Variants in TTN observed in about 807,000 individuals in gnomAD.
TTN encodes the protein connectin.
Under a neutral mutation model 3,223.0 loss-of-function variants are expected in TTN, and 1,525 were observed. The observed-to-expected ratio is 0.47, with a 90% CI of 0.45 to 0.49. The LOEUF (loss-of-function observed/expected upper bound fraction) is 0.49. TTN is among the 20% of genes least tolerant of loss of function. TTN has a pLI of 0.00. For missense variants in TTN, 40,786 were observed against 43,424.0 expected (o/e 0.94, Z 5.40); for synonymous variants, 14,094 against 15,161.0 (o/e 0.93, Z 5.17).
chr2:178,640,564 C>G lies in TTN; in HGVS notation c.40700G>C (p.Arg13567Thr). The G allele has an allele frequency of 6.2e-7, 1 of 1,601,802 alleles. No homozygotes were observed. The highest frequency in any genetic ancestry group is 1.1e-5 in the South Asian group (1 of 89,174). The change falls in exon 221 of 363, where the codon AGG becomes ACG. Residue 13567 changes from arginine (R) to threonine (T), a missense_variant. Arg to Thr is a moderately conservative substitution (Grantham distance 71). Coordinates refer to ENST00000589042, the MANE Select transcript of TTN (RefSeq NM_001267550.2). ...ACCTTTTGTTGGTTCAGGAATCTTC[C>G]TTTCCCTTTTTGTAACAGTAGGTAC... ...VEVPTVTKRERKIPEPTKVPE... is the reference protein window; with the variant it reads ...VEVPTVTKRETKIPEPTKVPE...
rs574655603 is a variant in TTN at position 178,646,021 on chromosome 2, G to A, written c.40307C>T (p.Pro13436Leu). ...TTTTGGCTTCTCAATAACCTTTTCA[G>A]GTTCAGGTTCTTGAAAGAGTATTTC... ...PEEIPVKEPEPEKVIEKPKLK... is the reference protein window; with the variant it reads ...PEEIPVKEPELEKVIEKPKLK... Residue 13436 changes from proline to leucine, a missense_variant, in exon 217 of 363, where the codon CCT (proline) becomes CTT (leucine). Pro to Leu is a moderately conservative substitution (Grantham distance 98). Coordinates refer to ENST00000589042, the MANE Select transcript of TTN (RefSeq NM_001267550.2). 3 of 1,553,636 alleles carry A rather than the reference G, an allele frequency of 1.9e-6. No homozygotes were observed. Among genetic ancestry groups the A allele is most frequent in the Admixed American group, 4.0e-5 (2 of 49,982 alleles).
chr2:178,581,678 C>T lies in TTN; in HGVS notation c.66590G>A (p.Arg22197Gln), dbSNP rs374656017. The change falls in exon 316 of 363, where the codon CGG (arginine) becomes CAG (glutamine). Residue 22197 changes from arginine (R) to glutamine (Q), a missense_variant. Transcript: ENST00000589042. Reference protein sequence around the residue: ...PIIGYLVEVKRADSDNWVRCN... With the variant: ...PIIGYLVEVKQADSDNWVRCN... ...CCTCACCCAGTTATCGGAGTCAGCC[C>T]GTTTTACTTCAACGAGATAACCAAT... 103 of 1,612,470 alleles carry T rather than the reference C, an allele frequency of 6.4e-5. 1 individual carries two copies. The East Asian group carries it at 6.5e-4, about 10-fold the overall frequency.
chr2:178,769,963 C>G, intron 36 of TTN, 24 bp from the exon 37 acceptor site: 2 of 1,614,102 alleles, frequency 1.2e-6, no homozygotes, highest in Non-Finnish European at 8.5e-7. Context: ...AAGAGCACTT[C>G]AGTTAATACA....
In TTN at chr2:178,714,083, G is replaced by T. The variant is rs1361604566; in HGVS notation, c.26575C>A (p.Leu8859Ile). The change falls in exon 92 of 363, where the codon CTC becomes ATC. Residue 8859 changes from leucine (L) to isoleucine (I), a missense_variant. By Grantham distance (5) the Leu-to-Ile change is conservative. Transcript: ENST00000589042. Reference sequence around the variant, plus strand: ...CCATCCTTAAACCACTTAGTACTGAGTTCAGGGGTGCCAGCTACTGTACAC... The same window carrying T: ...CCATCCTTAAACCACTTAGTACTGATTTCAGGGGTGCCAGCTACTGTACAC... ...LECTVAGTPE[L>I]STKWFKDGKE... 6.2e-7 allele frequency: 1 copy of T among 1,613,674 alleles called. No individual in the cohort carries two copies. The highest frequency in any genetic ancestry group is 2.2e-5 in the East Asian group (1 of 44,860).
chr2:178,768,016 G>C lies in TTN; in HGVS notation c.9303C>G (p.Asp3101Glu), dbSNP rs148676491. 1.5e-5 allele frequency: 24 copies of C among 1,614,006 alleles called. No individual in the cohort carries two copies. The highest frequency in any genetic ancestry group is 1.8e-5 in the Non-Finnish European group (21 of 1,180,012). The change falls in exon 39 of 363, where the codon GAC (aspartate) becomes GAG (glutamate). Residue 3101 changes from aspartate to glutamate, a missense_variant and splice_region_variant. Transcript: ENST00000589042. Reference sequence around the variant, plus strand: ...TGTAGCAAGACAAAACAACTGACCTGTCTGTGATCTGCAGTTCCTGGTCAT... The same window carrying C: ...TGTAGCAAGACAAAACAACTGACCTCTCTGTGATCTGCAGTTCCTGGTCAT... Reference protein sequence around the residue: ...MKDDQELQITDRIKIQKEKYV... With the variant: ...MKDDQELQITERIKIQKEKYV...
In TTN at chr2:178,528,683, A is replaced by G. The variant is rs879023680; in HGVS notation, c.107068T>C (p.Tyr35690His). ...AGTTCTTTGCTCAGTGTCAAATCATACTGACACTTGACGATTCCTTCCTTG... is the reference window on the plus strand; with the variant it reads ...AGTTCTTTGCTCAGTGTCAAATCATGCTGACACTTGACGATTCCTTCCTTG... ...KTKEGIVKCQ[Y>H]DLTLSKELSD... Residue 35690 changes from tyrosine (Y) to histidine (H), a missense_variant, in exon 360 of 363, where the codon TAT (tyrosine) becomes CAT (histidine). Tyr to His is a moderately conservative substitution (Grantham distance 83, BLOSUM62 2). Coordinates refer to ENST00000589042, the MANE Select transcript of TTN (RefSeq NM_001267550.2). 1 of 1,613,416 alleles carries G rather than the reference A, an allele frequency of 6.2e-7. No homozygotes were observed. Among genetic ancestry groups the G allele is most frequent in the Non-Finnish European group, 8.5e-7 (1 of 1,179,708 alleles).
At chr2:178,681,336 T>C (rs1249025471) in intron 137 of TTN, 40 bp downstream of exon 137, 3 of 1,568,144 alleles carry the variant, frequency 1.9e-6, no homozygotes, top group South Asian at 1.1e-5. Flanking sequence ...AGAACATACA[T>C]AACAAAGTTG....
chr2:178,559,783 TA>T lies in TTN; in HGVS notation c.86348del (p.Val28783AspfsTer28). On this transcript the variant is annotated frameshift_variant, in exon 326 of 363. Transcript: ENST00000589042. LOFTEE classifies it high-confidence loss of function. ...CTGGCTTACTCCACAAGACATTGGG[TA>T]CTGGTCTTCCTCGGAAAGGCACAGT... is the stretch of plus-strand genomic sequence containing the variant. ...TMTVPFRGRP[V>X]PNVLWSKPDT... is the part of the protein sequence containing the mutation. 6.2e-7 allele frequency: 1 copy of T among 1,606,684 alleles called. No homozygotes were observed. The highest frequency in any genetic ancestry group is 8.5e-7 in the Non-Finnish European group (1 of 1,176,882).
chr2:178,715,387 G>T, intron 89 of TTN, 106 bp downstream of exon 89: 2 of 1,515,158 alleles, frequency 1.3e-6, no homozygotes, highest in Non-Finnish European at 8.8e-7. Context: ...TCTTTGTTGT[G>T]TCCTTTCCCT....
At chr2:178,713,416 AC>A (rs1235065886) in intron 92 of TTN, 44 bp from the exon 93 acceptor site, 13 of 1,461,060 alleles carry the variant, frequency 8.9e-6, no homozygotes, top group African/African-American at 2.9e-5. Context: ...AACAAAAAAA[AC>A]AAAGGACAAC....
chr2:178,571,440 C>G lies in TTN; in HGVS notation c.74692G>C (p.Glu24898Gln), dbSNP rs751312481. The G allele has an allele frequency of 1.2e-6, 2 of 1,613,440 alleles. No homozygotes were observed. Among genetic ancestry groups the G allele is most frequent in the Non-Finnish European group, 1.7e-6 (2 of 1,179,596 alleles). The change falls in exon 326 of 363, where the codon GAG (glutamate) becomes CAG (glutamine). Residue 24898 changes from glutamate to glutamine, a missense_variant. Transcript: ENST00000589042. ...AATGGATATTGGGCTACAGTAGGCT[C>G]TGAATTGAGGTAGGTACTCTTCCCA... is the stretch of plus-strand genomic sequence containing the variant. ...RYGKSTYLNS[E>Q]PTVAQYPFKV...
intron 47 of TTN, among the ~76,000 whole-genome samples, chr2:178,743,550 T>C (rs1168407505): frequency 2.0e-5 from 3 of 151,976 alleles, no homozygotes; most frequent in Non-Finnish European, 4.4e-5. Flanking sequence ...CTCTTTACTA[T>C]ATGAATAAGA....
Position 178,565,233 on chromosome 2 carries a change from C to T in TTN, c.80899G>A (p.Val26967Ile), listed in dbSNP as rs1257567608. The change falls in exon 326 of 363, where the codon GTT becomes ATT. Residue 26967 changes from valine (V) to isoleucine (I), a missense_variant. Physicochemically the swap from Val to Ile is conservative, Grantham distance 29 (BLOSUM62 3). Coordinates refer to ENST00000589042, the MANE Select transcript of TTN (RefSeq NM_001267550.2). ...SAGTATENLS[V>I]IVLEKPGPPV... ...GGTCCAGGCTTTTCTAAAACGATAA[C>T]ACTGAGATTTTCTGTTGCTGTGCCT... 1.2e-6 allele frequency: 2 copies of T among 1,613,578 alleles called. No homozygotes were observed. The highest frequency in any genetic ancestry group is 1.7e-4 in the Middle Eastern group (1 of 6,052).
chr2:178,721,747 G>A, intron 78 of TTN, 100 bp downstream of exon 78: 2 of 1,286,882 alleles, frequency 1.6e-6, no homozygotes, highest in Admixed American at 5.2e-5. Flanking sequence ...AACATGTCCA[G>A]TTAGTTTCTC....
intron 2 of TTN, among the ~76,000 whole-genome samples, chr2:178,803,657 G>T (rs2094174121): frequency 6.6e-6 from 1 of 151,556 alleles, no homozygotes; most frequent in African/African-American, 2.4e-5. Flanking sequence ...TTTTAAAAAA[G>T]AAGTGGGCAA....
chr2:178,700,127 T>C (rs1454446334), intron 111 of TTN, among the ~76,000 whole-genome samples: 1 of 152,230 alleles, frequency 6.6e-6, no homozygotes, highest in Non-Finnish European at 1.5e-5. Context: ...ACATAAGTTA[T>C]TATTTTTGAC....
Position 178,771,289 on chromosome 2 carries a change from C to T in TTN, c.8038G>A (p.Ala2680Thr). The T allele has an allele frequency of 1.9e-6, 3 of 1,614,072 alleles. No homozygotes were observed. Among genetic ancestry groups the T allele is most frequent in the Non-Finnish European group, 2.5e-6 (3 of 1,180,002 alleles). ...TCTCCAATGTCATCTAATTTGGTGG[C>T]AGCAATGATAAGTCTCCTTTTGTGG... The part of the protein sequence containing the change: ...DGHKRRLIIA[A>T]TKLDDIGEYT... Residue 2680 changes from alanine to threonine, a missense_variant, in exon 34 of 363, where the codon GCC becomes ACC. By Grantham distance (58) the Ala-to-Thr change is moderately conservative. Coordinates refer to ENST00000589042, the MANE Select transcript of TTN (RefSeq NM_001267550.2).
intron 245 of TTN, 29 bp downstream of exon 245, chr2:178,621,446 T>C: frequency 6.7e-7 from 1 of 1,484,158 alleles, no homozygotes; most frequent in Middle Eastern, 1.8e-4. Context: ...TTGTTAGAAA[T>C]AAAAGATTAT....
chr2:178,609,781 C>G lies in TTN; in HGVS notation c.51642G>C (p.Glu17214Asp), dbSNP rs372443762. The G allele has an allele frequency of 1.2e-5, 19 of 1,612,750 alleles. No homozygotes were observed. In the African/African-American group the frequency reaches 2.0e-4, roughly 17 times the overall value. Residue 17214 changes from glutamate (E) to aspartate (D), a missense_variant, in exon 272 of 363, where the codon GAG becomes GAC. Physicochemically the swap from Glu to Asp is conservative, Grantham distance 45. Coordinates refer to ENST00000589042, the MANE Select transcript of TTN (RefSeq NM_001267550.2). ...GCACACGGAATTGGTACTCTTTCCC[C>G]TCTTCAAGTCCTTTTGCTGTATAGG... ...ILTYTAKGLEEGKEYQFRVRA... is the reference protein window; with the variant it reads ...ILTYTAKGLEDGKEYQFRVRA...
Sources: allele counts gnomAD v4.1 joint callset (sites outside exome capture counted in the v4.1 genomes callset), GRCh38; gene constraint gnomAD v4.1.1; transcripts MANE v1.5; gene names NCBI Gene and HGNC (gene_info 2026-07-23, HGNC 2026-07-21).